The following ZNF444 variants were observed in gnomAD, a reference collection of about 807,000 sequenced individuals.
ZNF444 encodes zinc finger protein 444.
ZNF444 carries 8 observed loss-of-function variants against 14.4 expected under a neutral mutation model. That is an observed-to-expected ratio of 0.56 (90% confidence interval 0.33 to 1.00). The LOEUF is 1.00. Among genes scored for constraint, ZNF444 ranks in the 50% least tolerant of loss-of-function variants. The pLI, the probability that ZNF444 is intolerant of heterozygous loss-of-function variation, is 0.03. For missense variants in ZNF444, 510 were observed against 504.8 expected, an observed-to-expected ratio of 1.01 and a Z score of -0.10; for synonymous variants, 258 against 235.9, an observed-to-expected ratio of 1.09 and a Z score of -0.86.
upstream of ZNF444, among the ~76,000 whole-genome samples, chr19:56,137,509 G>A (rs2030639035): frequency 6.6e-6 from 1 of 151,944 alleles, no homozygotes; most frequent in Non-Finnish European, 1.5e-5. Flanking sequence ...TGGCCAATGA[G>A]TTGAAACATA....
At chr19:56,152,288 C>T (rs1022574283) in intron 3 of ZNF444, among the ~76,000 whole-genome samples, 2 of 150,368 alleles carry the variant, frequency 1.3e-5, no homozygotes, top group Non-Finnish European at 3.0e-5. Context: ...ACCAGGACTG[C>T]ACCACCGCAC....
upstream of ZNF444, among the ~76,000 whole-genome samples, chr19:56,137,085 G>T (rs1285101164): frequency 6.6e-6 from 1 of 151,542 alleles, no homozygotes; most frequent in Non-Finnish European, 1.5e-5. Flanking sequence ...GCCCAGCCGA[G>T]AATCTGCATT....
At chr19:56,154,711 G>A (rs2031795407) in intron 3 of ZNF444, 5 of 151,996 alleles carry the variant, frequency 3.3e-5, no homozygotes, top group Admixed American at 3.3e-4. Flanking sequence ...ACAGACCTAT[G>A]TGCTGGGGCA....
At position 56,160,062 on chromosome 19, in the gene ZNF444, A is replaced by G. The variant is rs1216088689; in HGVS notation, c.845A>G (p.Glu282Gly). ...HSGARPFACWECGKGFGRREH... is the reference protein window; with the variant it reads ...HSGARPFACWGCGKGFGRREH... The stretch of plus-strand genomic sequence containing the variant: ...GGAGCGCGGCCCTTTGCCTGCTGGG[A>G]GTGTGGCAAGGGCTTCGGGCGCCGC... The change falls in exon 5 of 5, where the codon GAG becomes GGG. Residue 282 changes from glutamate to glycine, a missense_variant. Transcript: ENST00000337080. 6.6e-7 allele frequency: 1 copy of G among 1,506,016 alleles called. No individual in the cohort carries two copies. Among genetic ancestry groups the G allele is most frequent in the South Asian group, 1.2e-5 (1 of 81,938 alleles). 93.3% of individuals were successfully genotyped at this position (1,506,016 alleles called of 1,614,324 possible).
chr19:56,142,763 A>G (rs1298906554), intron 1 of ZNF444, among the ~76,000 whole-genome samples: 2 of 152,160 alleles, frequency 1.3e-5, no homozygotes, highest in Admixed American at 1.3e-4. Context: ...CCACAGTCAC[A>G]CTGCTGATGA....
chr19:56,142,296 G>A (rs2030878670), intron 1 of ZNF444: 1 of 152,144 alleles, frequency 6.6e-6, no homozygotes, highest in African/African-American at 2.4e-5. Flanking sequence ...GGAGATACAG[G>A]GTATTACAAA....
chr19:56,158,533 G>A lies in ZNF444; in HGVS notation c.337G>A (p.Val113Met). The change falls in exon 4 of 5, where the codon GTG (valine) becomes ATG (methionine). Residue 113 changes from valine (V) to methionine (M), a missense_variant. Coordinates refer to ENST00000337080, the MANE Select transcript of ZNF444 (RefSeq NM_018337.4). ...CCCCGATGGGTCGTCAGCAACGAGG[G>A]TGCCTCAGGATGTGACGCAGGGCCC... Reference protein sequence around the residue: ...ASPDGSSATRVPQDVTQGPGA... With the variant: ...ASPDGSSATRMPQDVTQGPGA... 1 of 1,612,024 alleles carries A rather than the reference G, an allele frequency of 6.2e-7. No homozygotes were observed. Among genetic ancestry groups the A allele is most frequent in the Non-Finnish European group, 8.5e-7 (1 of 1,179,002 alleles).
upstream of ZNF444, among the ~76,000 whole-genome samples, chr19:56,138,945 C>T (rs949154364): frequency 4.0e-5 from 6 of 151,408 alleles, no homozygotes; most frequent in Non-Finnish European, 5.9e-5. Flanking sequence ...TACAGGTGCC[C>T]GCCACCATGC....
At chr19:56,150,547 C>T in intron 3 of ZNF444, 1 of 407,002 alleles carries the variant, frequency 2.5e-6, no homozygotes, top group Non-Finnish European at 4.9e-6. Flanking sequence ...ACGGGAATAA[C>T]ACTGCCGTGA....
At position 56,160,803 on chromosome 19, in the gene ZNF444, T is replaced by A. The variant is rs1027014250; in HGVS notation, c.*602T>A. 6.5e-6 allele frequency: 1 copy of A among 153,158 alleles called. No homozygotes were observed. Among genetic ancestry groups the A allele is most frequent in the Admixed American group, 6.5e-5 (1 of 15,296 alleles). The allele number at this position is 153,158 out of a possible 1,614,324, so 9.5% of individuals were successfully genotyped here. On this transcript the variant is annotated 3_prime_UTR_variant, in exon 5 of 5. Coordinates refer to ENST00000337080, the MANE Select transcript of ZNF444 (RefSeq NM_018337.4). ...CCCCCTGTGACCCAAAGGCATGGGA[T>A]GGACAGAGATGCCTGCCCCCGTGAA...
upstream of ZNF444, among the ~76,000 whole-genome samples, chr19:56,140,158 TGTTATGG>T (rs1298377184): frequency 2.0e-5 from 3 of 152,146 alleles, no homozygotes; most frequent in Admixed American, 6.6e-5. Flanking sequence ...AATGAATGCT[TGTTATGG>T]GTAAGCCACT....
At position 56,145,200 on chromosome 19, in the gene ZNF444, C is replaced by A. The variant is rs879655249; in HGVS notation, c.-196-1047C>A. On this transcript the variant is annotated intron_variant, in intron 1 of 4. Coordinates refer to ENST00000337080, the MANE Select transcript of ZNF444 (RefSeq NM_018337.4). This position sits in a 1 kb window ranked among gnomAD's most constrained non-coding sequence, Gnocchi z 4.3. ...CCTTCAAAATTACTGAAGACCCTAA[C>A]ATGCTTTTATTGATGGGAGTCATAT... Among the ~76,000 whole-genome samples, 88 of 152,252 alleles carry A rather than the reference C, an allele frequency of 5.8e-4. No homozygotes were observed. The highest frequency in any genetic ancestry group is 2.5e-4 in the Non-Finnish European group (17 of 68,050).
chr19:56,135,048 G>A (rs375133573), intron 1 of ZNF444, among the ~76,000 whole-genome samples: 4 of 152,016 alleles, frequency 2.6e-5, no homozygotes, highest in African/African-American at 9.7e-5. Context: ...TGGCTAACAC[G>A]GTGAAACCCC....
chr19:56,159,809 C>A lies in ZNF444; in HGVS notation c.592C>A (p.Arg198=), dbSNP rs1280304328. The change falls in exon 5 of 5, where the codon CGG becomes AGG. Residue 198 remains arginine, a synonymous_variant. Coordinates refer to ENST00000337080, the MANE Select transcript of ZNF444 (RefSeq NM_018337.4). ...SLKPAHLLRH[R]QSHSGEKPHA... is the part of the protein sequence containing the mutation. The stretch of plus-strand genomic sequence containing the variant: ...GAAACCAGCTCACCTGCTGCGCCAC[C>A]GGCAGAGCCACTCGGGCGAGAAGCC... 2 of 1,584,222 alleles carry A rather than the reference C, an allele frequency of 1.3e-6. No individual in the cohort carries two copies. The highest frequency in any genetic ancestry group is 2.7e-5 in the African/African-American group (2 of 74,384).
chr19:56,143,852 G>A (rs1307794816), intron 1 of ZNF444, among the ~76,000 whole-genome samples: 1 of 152,180 alleles, frequency 6.6e-6, no homozygotes, highest in East Asian at 1.9e-4. Flanking sequence ...GCATCGGAGG[G>A]GGTGATCTGG....
At chr19:56,150,383 C>A in intron 3 of ZNF444, 1 of 293,640 alleles carries the variant, frequency 3.4e-6, no homozygotes, top group South Asian at 3.1e-5. Flanking sequence ...GGCTCCAGGC[C>A]GTCGGGACTC....
intron 4 of ZNF444, among the ~76,000 whole-genome samples, 185 bp downstream of exon 4, chr19:56,158,787 C>G (rs558064176): frequency 2.0e-5 from 3 of 152,122 alleles, no homozygotes; most frequent in Admixed American, 6.5e-5. Context: ...GTTGGAGGTT[C>G]ATCCATCCAT....
At chr19:56,153,428 G>A (rs1200898705) in intron 3 of ZNF444, among the ~76,000 whole-genome samples, 17 of 152,148 alleles carry the variant, frequency 1.1e-4, no homozygotes, top group Admixed American at 1.1e-3. Flanking sequence ...AATACTCGTT[G>A]AGGGAATGGC....
chr19:56,156,340 T>C (rs1453438184), intron 3 of ZNF444: 2 of 152,256 alleles, frequency 1.3e-5, no homozygotes, highest in African/African-American at 4.8e-5. Context: ...AACTGAAGCA[T>C]GGACAGCCAT....
Sources: gnomAD v4.1 joint callset for allele counts (sites outside exome capture counted in the v4.1 genomes callset) on GRCh38, gnomAD v4.1.1 for gene constraint, Gnocchi (gnomAD v3.1) non-coding constraint, MANE v1.5 for transcripts, NCBI Gene and HGNC (gene_info 2026-07-23, HGNC 2026-07-21) for gene names.